The following PCDHGB4 variants were observed in gnomAD, a reference collection of about 807,000 sequenced individuals.
PCDHGB4 encodes protocadherin gamma-B4.
PCDHGB4 carries 38 observed loss-of-function variants against 60.5 expected under a neutral mutation model. The ratio of observed to expected loss-of-function variants is 0.63; its 90% confidence interval spans 0.48 to 0.82. PCDHGB4 has a LOEUF of 0.82. Among genes scored for constraint, PCDHGB4 ranks in the 40% least tolerant of loss-of-function variants. The probability of loss-of-function intolerance (pLI) is 0.00; values close to 1 mark genes in which losing one functional copy is unlikely to be tolerated. For synonymous variants in PCDHGB4, 456 were observed against 509.7 expected (o/e 0.89, Z 1.42); for missense variants, 1,109 against 1,209.6 (o/e 0.92, Z 1.23).
chr5:141,389,942 G>C lies in PCDHGB4; in HGVS notation c.2058G>C (p.Leu686=), dbSNP rs775707080. The change falls in exon 1 of 4, where the codon CTG becomes CTC. Residue 686 remains leucine, a synonymous_variant. Coordinates refer to ENST00000519479, the MANE Select transcript of PCDHGB4 (RefSeq NM_003736.4). ...RPDPSDLQAE[L]QFYLVVALAL... is the part of the protein sequence containing the mutation. ...ACCCCTCTGACCTCCAGGCTGAGCT[G>C]CAGTTTTACCTAGTGGTGGCCTTGG... is the stretch of plus-strand genomic sequence containing the variant. The C allele has an allele frequency of 2.5e-6, 4 of 1,613,952 alleles. No individual in the cohort carries two copies. The African/African-American group carries it at 5.3e-5, about 22-fold the overall frequency.
chr5:141,488,128 G>T (rs1412334197), intron 1 of PCDHGB4, among the ~76,000 whole-genome samples: 1 of 152,226 alleles, frequency 6.6e-6, no homozygotes, highest in Non-Finnish European at 1.5e-5. Context: ...ACAGCAGAAA[G>T]AGGAGAGAAC....
At position 141,459,173 on chromosome 5, in the gene PCDHGB4, AG is replaced by A. The variant is rs370401072; in HGVS notation, c.2398-35633del. Among the ~76,000 whole-genome samples the A allele has an allele frequency of 3.1e-3, 479 of 152,326 alleles. 10 individuals carry two copies. In the South Asian group the frequency reaches 0.063, roughly 20 times the overall value. ...ATAGAACATTTCTATAACCTTCAAA[AG>A]TTCCCTCATGCCCCTTTGCAATCAA... On this transcript the variant is annotated intron_variant, in intron 1 of 3. Coordinates refer to ENST00000519479, the MANE Select transcript of PCDHGB4 (RefSeq NM_003736.4).
chr5:141,472,980 C>CAAAAAAAAAAAAAAA (rs60579131), intron 1 of PCDHGB4, among the ~76,000 whole-genome samples: 13 of 86,076 alleles, frequency 1.5e-4, no homozygotes, highest in African/African-American at 1.9e-4. Context: ...GAGTGAAACT[C>CAAAAAAAAAAAAAAA]AAAAAAAAAA....
intron 2 of PCDHGB4, among the ~76,000 whole-genome samples, chr5:141,496,103 C>T (rs779317844): frequency 2.0e-5 from 3 of 152,218 alleles, no homozygotes; most frequent in South Asian, 2.1e-4. Flanking sequence ...ACCAACACCC[C>T]GCTCTCTTCC....
intron 1 of PCDHGB4, among the ~76,000 whole-genome samples, chr5:141,434,021 C>A (rs1023145172): frequency 2.0e-5 from 3 of 152,052 alleles, no homozygotes; most frequent in Admixed American, 2.0e-4. Context: ...TTCTATGATT[C>A]TGGAAGCATG....
intron 1 of PCDHGB4, among the ~76,000 whole-genome samples, chr5:141,448,837 C>CT (rs2098610093): frequency 6.6e-6 from 1 of 152,014 alleles, no homozygotes; most frequent in Non-Finnish European, 1.5e-5. Context: ...CCCAGCTACT[C>CT]TGGAGGCTGA....
rs1001555249 is a variant in PCDHGB4, at chr5:141,486,728, G to A, written c.2398-8079G>A. The A allele has an allele frequency of 1.2e-6, 2 of 1,614,200 alleles. No homozygotes were observed. The highest frequency in any genetic ancestry group is 1.7e-6 in the Non-Finnish European group (2 of 1,180,052). On this transcript the variant is annotated intron_variant, in intron 1 of 3. Transcript: ENST00000519479. This position sits in a 1 kb window ranked among gnomAD's most constrained non-coding sequence, Gnocchi z 5.0. Reference sequence around the variant, plus strand: ...GAACCCCCAGACAGGAGCTGTTCATGCTACTCGATCCTTTGACTATGAGCA... The same window carrying A: ...GAACCCCCAGACAGGAGCTGTTCATACTACTCGATCCTTTGACTATGAGCA...
At chr5:141,405,218 G>T in intron 1 of PCDHGB4, 1 of 1,613,986 alleles carries the variant, frequency 6.2e-7, no homozygotes, top group Non-Finnish European at 8.5e-7. Flanking sequence ...CTATTCTCAG[G>T]AGTTCTCCCT....
chr5:141,415,355 G>A (rs1200011688), intron 1 of PCDHGB4: 2 of 1,614,210 alleles, frequency 1.2e-6, no homozygotes, highest in Non-Finnish European at 1.7e-6. Context: ...CACAAGTCAC[G>A]CCTGCTGCAG....
At chr5:141,495,257 A>T (rs1411983517) in intron 2 of PCDHGB4, among the ~76,000 whole-genome samples, 1 of 152,200 alleles carries the variant, frequency 6.6e-6, no homozygotes, top group Non-Finnish European at 1.5e-5. Context: ...CTCAGGCAGA[A>T]AAGCATTTGA....
chr5:141,447,257 A>G (rs1182682161), intron 1 of PCDHGB4, among the ~76,000 whole-genome samples: 1 of 152,080 alleles, frequency 6.6e-6, no homozygotes, highest in Non-Finnish European at 1.5e-5. Flanking sequence ...CTTCTGTCTC[A>G]GCCTCCCAAG....
chr5:141,423,805 G>GT (rs1384575574), intron 1 of PCDHGB4: 44 of 1,261,806 alleles, frequency 3.5e-5, no homozygotes, highest in South Asian at 8.9e-5. Context: ...AGCAATACAT[G>GT]TGAGTTTTAC....
intron 1 of PCDHGB4, chr5:141,424,482 T>C (rs779975685): frequency 1.3e-5 from 2 of 152,216 alleles, no homozygotes; most frequent in Non-Finnish European, 2.9e-5. Context: ...TACTTTGGTG[T>C]CTGTGTTTGT....
chr5:141,502,098 G>T (rs1341016516), intron 2 of PCDHGB4, among the ~76,000 whole-genome samples: 2 of 152,108 alleles, frequency 1.3e-5, no homozygotes, highest in Non-Finnish European at 2.9e-5. Flanking sequence ...ACCTGGCCTT[G>T]ACCCTGCACC....
intron 1 of PCDHGB4, among the ~76,000 whole-genome samples, chr5:141,482,053 C>G (rs2099551080): frequency 6.6e-6 from 1 of 150,558 alleles, no homozygotes; most frequent in Non-Finnish European, 1.5e-5. Flanking sequence ...CTGTTGCATT[C>G]CAGCCTGGGC....
intron 1 of PCDHGB4, chr5:141,478,776 A>G (rs961079570): frequency 1.3e-6 from 2 of 1,488,690 alleles, no homozygotes; most frequent in East Asian, 2.5e-5. Flanking sequence ...TCATCTGTGG[A>G]CCTAATTCAC....
chr5:141,456,427 T>A (rs1156577293), intron 1 of PCDHGB4, among the ~76,000 whole-genome samples: 1 of 152,166 alleles, frequency 6.6e-6, no homozygotes, highest in East Asian at 1.9e-4. Context: ...ATTCAAGTTA[T>A]AGTATTGAGT....
At chr5:141,437,264 A>G (rs2097872616) in intron 1 of PCDHGB4, among the ~76,000 whole-genome samples, 2 of 152,228 alleles carry the variant, frequency 1.3e-5, no homozygotes, top group South Asian at 2.1e-4. Context: ...TTTTATGTGT[A>G]TGACAGATGT....
At chr5:141,404,150 G>T in intron 1 of PCDHGB4, 1 of 1,612,828 alleles carries the variant, frequency 6.2e-7, no homozygotes, top group South Asian at 1.1e-5. Flanking sequence ...TTCAGAAGAA[G>T]ATTATTACAG....
Sources: allele counts gnomAD v4.1 joint callset (sites outside exome capture counted in the v4.1 genomes callset), GRCh38; gene constraint gnomAD v4.1.1; non-coding constraint Gnocchi (gnomAD v3.1); transcripts MANE v1.5; gene names NCBI Gene and HGNC (gene_info 2026-07-23, HGNC 2026-07-21).